EPHB1: variants seen among roughly 807,000 people sequenced by gnomAD.
EPHB1 encodes ephrin type-B receptor 1.
In EPHB1, 30 loss-of-function variants were observed where a neutral mutation model predicts 94.4. The ratio of observed to expected loss-of-function variants is 0.32; its 90% CI spans 0.24 to 0.43. EPHB1 has a LOEUF of 0.43. EPHB1 is among the 20% of genes least tolerant of loss of function. EPHB1 has a pLI of 1.00. For synonymous variants in EPHB1, 522 were observed against 489.1 expected (o/e 1.07, Z -0.89); for missense variants, 1,055 against 1,308.3 (o/e 0.81, Z 2.99).
chr3:134,922,416 T>A (rs904606931), intron 1 of EPHB1, among the ~76,000 whole-genome samples: 1 of 152,216 alleles, frequency 6.6e-6, no homozygotes, highest in African/African-American at 2.4e-5. Context: ...AATGGGCAGA[T>A]GTAAAGAAAT....
intron 3 of EPHB1, among the ~76,000 whole-genome samples, chr3:135,021,336 A>AT (rs11385995): frequency 0.012 from 1,829 of 152,170 alleles, 43 homozygotes; most frequent in African/African-American, 0.042. Context: ...CATATGTTTC[A>AT]TATTGTCAAA....
intron 1 of EPHB1, among the ~76,000 whole-genome samples, chr3:134,919,760 C>T (rs2038643289): frequency 6.6e-6 from 1 of 152,220 alleles, no homozygotes; most frequent in South Asian, 2.1e-4. Context: ...ACCCTTGGCA[C>T]CTAATGCAGT....
At chr3:134,900,078 G>A (rs1275264261) in intron 1 of EPHB1, among the ~76,000 whole-genome samples, 2 of 152,182 alleles carry the variant, frequency 1.3e-5, no homozygotes, top group African/African-American at 4.8e-5. Flanking sequence ...TCTGGTTGCA[G>A]TATATACTGA....
chr3:135,127,938 C>T (rs193183708), intron 4 of EPHB1, among the ~76,000 whole-genome samples: 1 of 152,294 alleles, frequency 6.6e-6, no homozygotes, highest in African/African-American at 2.4e-5. Flanking sequence ...CACACTCCCT[C>T]CTCACCCAAA....
intron 2 of EPHB1, among the ~76,000 whole-genome samples, chr3:134,931,046 C>G (rs2038894539): frequency 6.6e-6 from 1 of 152,214 alleles, no homozygotes; most frequent in South Asian, 2.1e-4. Context: ...TGATACCTGT[C>G]TGCATCTCCA....
intron 9 of EPHB1, among the ~76,000 whole-genome samples, chr3:135,179,281 TTTTC>T (rs1321663813): frequency 1.3e-5 from 2 of 152,182 alleles, no homozygotes; most frequent in Non-Finnish European, 2.9e-5. Flanking sequence ...TCTATTAGTA[TTTTC>T]TAAGCTTTTC....
At chr3:134,888,296 C>T (rs571977136) in intron 1 of EPHB1, among the ~76,000 whole-genome samples, 2 of 152,196 alleles carry the variant, frequency 1.3e-5, no homozygotes, top group African/African-American at 4.8e-5. Flanking sequence ...CCTGGAAGGT[C>T]TCTTCTGTGA....
At chr3:135,174,464 C>T (rs1418945141) in intron 9 of EPHB1, among the ~76,000 whole-genome samples, 2 of 152,242 alleles carry the variant, frequency 1.3e-5, no homozygotes, top group African/African-American at 2.4e-5. Context: ...ACCCTGAAGA[C>T]TGGCACCCAT....
intron 12 of EPHB1, among the ~76,000 whole-genome samples, chr3:135,209,452 C>T (rs1036358076): frequency 6.6e-6 from 1 of 152,140 alleles, no homozygotes; most frequent in African/African-American, 2.4e-5. Flanking sequence ...TTAGAGGATG[C>T]AATGAAAAGA....
chr3:135,121,915 A>T (rs1347646221), intron 4 of EPHB1, among the ~76,000 whole-genome samples: 1 of 152,162 alleles, frequency 6.6e-6, no homozygotes, highest in African/African-American at 2.4e-5. Context: ...TCCCTTATGC[A>T]TATGAAGTAC....
At chr3:135,053,581 A>C (rs1489172736) in intron 3 of EPHB1, among the ~76,000 whole-genome samples, 1 of 152,128 alleles carries the variant, frequency 6.6e-6, no homozygotes, top group East Asian at 1.9e-4. Flanking sequence ...TAGTTGTTTG[A>C]TGCTCTCTGT....
Position 135,222,707 on chromosome 3 carries a change from T to C in EPHB1, c.2347-18441T>C, listed in dbSNP as rs559963980. 4.1e-4 allele frequency among the ~76,000 whole-genome samples: 62 copies of C among 152,344 alleles called. 2 individuals carry two copies. The South Asian group carries it at 0.013, about 32-fold the overall frequency. The stretch of plus-strand genomic sequence containing the variant: ...ATGACAAAACAGTCTACACATTGGA[T>C]TGGATTTTTAATTTGGATGAAACTG... On this transcript the variant is annotated intron_variant, in intron 12 of 15. Transcript: ENST00000398015.
chr3:134,895,437 CAG>C (rs1294005632), intron 1 of EPHB1, among the ~76,000 whole-genome samples: 5 of 152,158 alleles, frequency 3.3e-5, no homozygotes, highest in Non-Finnish European at 5.9e-5. Flanking sequence ...CAACATCACG[CAG>C]AGAGAAGATG....
At chr3:134,945,812 C>T (rs1560309180) in intron 2 of EPHB1, among the ~76,000 whole-genome samples, 1 of 152,142 alleles carries the variant, frequency 6.6e-6, no homozygotes, top group African/African-American at 2.4e-5. Flanking sequence ...AACTGACTTT[C>T]GGGCAGGCAG....
chr3:135,193,475 A>G, intron 11 of EPHB1, among the ~76,000 whole-genome samples: 1 of 152,176 alleles, frequency 6.6e-6, no homozygotes, highest in East Asian at 1.9e-4. Flanking sequence ...AACCATTTTC[A>G]TTTCTGTAGG....
intron 3 of EPHB1, among the ~76,000 whole-genome samples, chr3:135,011,641 A>G (rs1196850217): frequency 6.6e-6 from 1 of 152,138 alleles, no homozygotes; most frequent in Non-Finnish European, 1.5e-5. Flanking sequence ...TGGGGGAAAC[A>G]GAGACAGAAA....
At position 135,248,293 on chromosome 3, in the gene EPHB1, C is replaced by G. The variant is rs1462795233; in HGVS notation, c.2497-23C>G. 1.9e-6 allele frequency: 3 copies of G among 1,546,114 alleles called. No homozygotes were observed. The East Asian group carries it at 6.9e-5, about 36-fold the overall frequency. ...GCTGGTGGCAGTCACTCAATCACAC[C>G]TGTTCCCTGTATGTCACTGCAGGTC... is the stretch of plus-strand genomic sequence containing the variant. On this transcript the variant is annotated intron_variant, in intron 13 of 15. Coordinates refer to ENST00000398015, the MANE Select transcript of EPHB1 (RefSeq NM_004441.5).
intron 9 of EPHB1, among the ~76,000 whole-genome samples, chr3:135,178,224 A>AGC (rs1553744895): frequency 3.6e-5 from 5 of 139,422 alleles, no homozygotes; most frequent in Admixed American, 7.1e-5. Context: ...GAGGCCGGGG[A>AGC]GGGGGGGTGG....
At chr3:135,204,527 CAG>C (rs762799015) in intron 12 of EPHB1, among the ~76,000 whole-genome samples, 10 of 151,608 alleles carry the variant, frequency 6.6e-5, no homozygotes, top group Non-Finnish European at 1.0e-4. Context: ...TTTTTTGAGA[CAG>C]AGTCTTTGTC....
Sources: gnomAD v4.1 joint callset for allele counts (sites outside exome capture counted in the v4.1 genomes callset) on GRCh38, gnomAD v4.1.1 for gene constraint, MANE v1.5 for transcripts, NCBI Gene and HGNC (gene_info 2026-07-23, HGNC 2026-07-21) for gene names.